The following HMCN1 variants were observed in gnomAD, a reference collection of about 807,000 sequenced individuals.
The protein encoded by HMCN1 is hemicentin-1.
A neutral mutation model predicts 625.9 loss-of-function variants in HMCN1; 321 were observed. That is an observed-to-expected ratio of 0.51 (90% CI 0.47 to 0.56). The LOEUF is 0.56. Among genes scored for constraint, HMCN1 ranks in the 20% least tolerant of loss-of-function variants. The pLI, the probability that HMCN1 is intolerant of heterozygous loss-of-function variation, is 0.00. For missense variants in HMCN1, 6,588 were observed against 6,887.3 expected (o/e 0.96, Z 1.54); for synonymous variants, 2,425 against 2,417.6 (o/e 1.00, Z -0.09).
intron 97 of HMCN1, among the ~76,000 whole-genome samples, chr1:186,160,258 G>C (rs1434664120): frequency 1.4e-5 from 2 of 145,666 alleles, no homozygotes; most frequent in East Asian, 4.0e-4. Flanking sequence ...TGTGGGATCG[G>C]TGGTGATATC....
intron 11 of HMCN1, among the ~76,000 whole-genome samples, chr1:185,945,166 A>G (rs1386984068): frequency 6.6e-6 from 1 of 152,234 alleles, no homozygotes; most frequent in African/African-American, 2.4e-5. Context: ...CTGCATCTGA[A>G]GAAAGGTGTG....
intron 1 of HMCN1, among the ~76,000 whole-genome samples, chr1:185,773,661 T>G (rs1372429983): frequency 6.6e-6 from 1 of 152,166 alleles, no homozygotes; most frequent in African/African-American, 2.4e-5. Flanking sequence ...TTATGGTCTA[T>G]GATAGAATGA....
intron 1 of HMCN1, among the ~76,000 whole-genome samples, chr1:185,758,008 A>G (rs1263891601): frequency 1.3e-5 from 2 of 152,238 alleles, no homozygotes; most frequent in African/African-American, 4.8e-5. Flanking sequence ...TCAAGTAAAA[A>G]TGATTTAAAA....
intron 1 of HMCN1, among the ~76,000 whole-genome samples, chr1:185,839,441 A>C (rs548189139): frequency 2.2e-4 from 33 of 152,348 alleles, no homozygotes; most frequent in African/African-American, 7.9e-4. Context: ...CTTATTAAAT[A>C]GCATGACTTA....
rs1436075262 is a variant in HMCN1, at chr1:186,087,612, T to G, written c.9330T>G (p.Ala3110=). The G allele has an allele frequency of 4.3e-6, 7 of 1,613,192 alleles. No individual in the cohort carries two copies. The highest frequency in any genetic ancestry group is 5.9e-6 in the Non-Finnish European group (7 of 1,179,438). The change falls in exon 60 of 107, where the codon GCT becomes GCG. Residue 3110 remains alanine, a synonymous_variant. Coordinates refer to ENST00000271588, the MANE Select transcript of HMCN1 (RefSeq NM_031935.3). ...AGTCTACTCATGTGGAGATTTTAGC[T>G]GATGGACAAATGCTACACATTAAGA... ...ITESTHVEIL[A]DGQMLHIKKA...
At chr1:185,786,400 T>C (rs1287553720) in intron 1 of HMCN1, among the ~76,000 whole-genome samples, 3 of 152,218 alleles carry the variant, frequency 2.0e-5, no homozygotes, top group African/African-American at 7.2e-5. Context: ...AGGGAGCTCA[T>C]TATTTGGCCA....
At chr1:185,965,659 C>T in intron 13 of HMCN1, 143 bp from the exon 14 acceptor site, 1 of 695,812 alleles carries the variant, frequency 1.4e-6, no homozygotes, top group East Asian at 2.7e-5. Flanking sequence ...TGTGCATGTG[C>T]ATTACAAGAG....
chr1:185,906,616 T>C (rs1666108638), intron 4 of HMCN1, among the ~76,000 whole-genome samples: 1 of 151,904 alleles, frequency 6.6e-6, no homozygotes, highest in East Asian at 1.9e-4. Flanking sequence ...AAGATATATT[T>C]GTAGAGCCAC....
chr1:186,094,493 G>A (rs1660021458), intron 67 of HMCN1, 120 bp downstream of exon 67: 1 of 756,216 alleles, frequency 1.3e-6, no homozygotes, highest in Non-Finnish European at 2.3e-6. Flanking sequence ...AAGGATTAGT[G>A]AAATAGGATC....
intron 50 of HMCN1, among the ~76,000 whole-genome samples, chr1:186,068,352 A>C (rs989079037): frequency 6.6e-6 from 1 of 152,222 alleles, no homozygotes; most frequent in African/African-American, 2.4e-5. Context: ...ACTCTCCTTC[A>C]AAGTTTAATT....
chr1:185,919,391 G>A (rs1459141831), intron 6 of HMCN1, among the ~76,000 whole-genome samples: 1 of 152,016 alleles, frequency 6.6e-6, no homozygotes, highest in East Asian at 1.9e-4. Context: ...GTACTTTGAT[G>A]CAGGGCAAAA....
intron 93 of HMCN1, among the ~76,000 whole-genome samples, chr1:186,146,505 TAAG>T (rs1650326841): frequency 6.6e-6 from 1 of 152,180 alleles, no homozygotes; most frequent in South Asian, 2.1e-4. Context: ...CTAAAGGTTG[TAAG>T]AAGACCAACA....
chr1:185,882,341 G>T (rs1036646745), intron 4 of HMCN1, among the ~76,000 whole-genome samples: 2 of 142,204 alleles, frequency 1.4e-5, no homozygotes, highest in Non-Finnish European at 3.0e-5. Flanking sequence ...TGTTGTCAAA[G>T]AAATGAATGT....
intron 2 of HMCN1, among the ~76,000 whole-genome samples, chr1:185,854,003 C>T (rs1403850448): frequency 6.6e-6 from 1 of 152,146 alleles, no homozygotes; most frequent in Non-Finnish European, 1.5e-5. Context: ...CTTAGGCAAC[C>T]AACAGATTGT....
chr1:186,076,499 G>T lies in HMCN1; in HGVS notation c.8362G>T (p.Asp2788Tyr), dbSNP rs1658821072. Residue 2788 changes from aspartate to tyrosine, a missense_variant, in exon 54 of 107, where the codon GAT (aspartate) becomes TAT (tyrosine). Physicochemically the swap from Asp to Tyr is radical, Grantham distance 160 (BLOSUM62 -3). Coordinates refer to ENST00000271588, the MANE Select transcript of HMCN1 (RefSeq NM_031935.3). The part of the protein sequence containing the change: ...LDTGRNGEAK[D>Y]VIINNPISLY... ...TACTGGCAGGAATGGTGAAGCCAAA[G>T]ATGTGATCATCAACAATCCCATTTC... 2 of 1,613,762 alleles carry T rather than the reference G, an allele frequency of 1.2e-6. No homozygotes were observed. The highest frequency in any genetic ancestry group is 1.7e-6 in the Non-Finnish European group (2 of 1,179,820).
rs759532778 is a variant in HMCN1 at position 186,086,320 on chromosome 1, G to A, written c.8959G>A (p.Glu2987Lys). Residue 2987 changes from glutamate (E) to lysine (K), a missense_variant, in exon 58 of 107, where the codon GAG (glutamate) becomes AAG (lysine). By Grantham distance (56) the Glu-to-Lys change is moderately conservative (BLOSUM62 1). Around this residue, in one of 3 missense-constraint regions of HMCN1, gnomAD observed 4,628 missense variants for 4,853.1 expected, o/e 0.95. Coordinates refer to ENST00000271588, the MANE Select transcript of HMCN1 (RefSeq NM_031935.3). ...GAACAATTTCATCTCTTTGACCTGT[G>A]AGGTCTCTGGTTTTCCACCTCCTGA... ...VVNNFISLTCEVSGFPPPDLS... is the reference protein window; with the variant it reads ...VVNNFISLTCKVSGFPPPDLS... 6 of 1,613,146 alleles carry A rather than the reference G, an allele frequency of 3.7e-6. No homozygotes were observed. Among genetic ancestry groups the A allele is most frequent in the Non-Finnish European group, 5.1e-6 (6 of 1,179,516 alleles).
intron 15 of HMCN1, among the ~76,000 whole-genome samples, chr1:185,975,887 GACACAC>G (rs144472059): frequency 2.7e-5 from 4 of 149,342 alleles, no homozygotes; most frequent in African/African-American, 9.8e-5. Flanking sequence ...TTATGCACCA[GACACAC>G]ACACACACAC....
intron 86 of HMCN1, among the ~76,000 whole-genome samples, chr1:186,132,839 T>G (rs1159312045): frequency 6.6e-6 from 1 of 151,922 alleles, no homozygotes; most frequent in Non-Finnish European, 1.5e-5. Flanking sequence ...TTCCCCTTCC[T>G]GTGTCCATGT....
At position 186,189,856 on chromosome 1, in the gene HMCN1, C is replaced by G. The variant is rs142931521; in HGVS notation, c.16886C>G (p.Ala5629Gly). Reference protein sequence around the residue: ...EYQTTFIVYIAVSAYPY With the variant: ...EYQTTFIVYIGVSAYPY Reference sequence around the variant, plus strand: ...CAGACCACATTCATAGTTTATATAGCTGTGTCCGCCTATCCATACTAAGGA... The same window carrying G: ...CAGACCACATTCATAGTTTATATAGGTGTGTCCGCCTATCCATACTAAGGA... The change falls in exon 107 of 107, where the codon GCT (alanine) becomes GGT (glycine). Residue 5629 changes from alanine to glycine, a missense_variant. Transcript: ENST00000271588. 6.8e-5 allele frequency: 109 copies of G among 1,613,608 alleles called. No homozygotes were observed. The highest frequency in any genetic ancestry group is 8.1e-5 in the Non-Finnish European group (95 of 1,179,802).
Sources: allele counts gnomAD v4.1 joint callset (sites outside exome capture counted in the v4.1 genomes callset), GRCh38; gene constraint gnomAD v4.1.1; regional missense constraint gnomAD v4.1.1; transcripts MANE v1.5; gene names NCBI Gene and HGNC (gene_info 2026-07-23, HGNC 2026-07-21).